DMD: variants seen among roughly 807,000 people sequenced by gnomAD.
DMD encodes the protein dystrophin.
Under a neutral mutation model 330.1 loss-of-function variants are expected in DMD, and 63 were observed. That is an observed-to-expected ratio of 0.19 (90% confidence interval 0.16 to 0.24). The LOEUF (loss-of-function observed/expected upper bound fraction) is 0.24, where lower values mean the gene tolerates loss of function less well. DMD is among the 10% of genes least tolerant of loss of function. DMD has a pLI of 1.00. For synonymous variants in DMD, 1,223 were observed against 959.8 expected, an observed-to-expected ratio of 1.27 and a Z score of -5.07; for missense variants, 3,344 against 2,684.1, an observed-to-expected ratio of 1.25 and a Z score of -5.43.
At chrX:33,095,108 C>A (rs113513487) in intron 1 of DMD, among the ~76,000 whole-genome samples, 8 of 112,236 alleles carry the variant, frequency 7.1e-5, no homozygotes, top group African/African-American at 2.6e-4. Context: ...TATATCAATA[C>A]ACATATATAA....
intron 60 of DMD, among the ~76,000 whole-genome samples, chrX:31,349,992 T>C (rs2058304084): frequency 9.0e-6 from 1 of 111,603 alleles, no homozygotes; most frequent in Non-Finnish European, 1.9e-5. Flanking sequence ...AATCTCATTT[T>C]TTCACTCTCT....
Position 32,799,661 on chromosome X carries a change from G to GA in DMD, c.649+9831dup, listed in dbSNP as rs2076408325. The stretch of plus-strand genomic sequence containing the variant: ...TGAAACTCAGAGAAACAATGTATAT[G>GA]AAACCCACGACCAACGCATGTAGAA... On this transcript the variant is annotated intron_variant, in intron 7 of 78. Transcript: ENST00000357033. Among the ~76,000 whole-genome samples the GA allele has an allele frequency of 2.8e-5, 3 of 105,955 alleles. No individual in the cohort carries two copies. In the East Asian group the frequency reaches 9.0e-4, roughly 32 times the overall value. The allele number at this position is 105,955 out of a possible 115,157, so 92.0% of individuals were successfully genotyped here.
chrX:31,869,435 A>C (rs2149653001), intron 48 of DMD, among the ~76,000 whole-genome samples: 1 of 99,166 alleles, frequency 1.0e-5, no homozygotes, highest in Admixed American at 1.2e-4. Flanking sequence ...CCTACCTGTA[A>C]ATTGATCTGG....
intron 7 of DMD, among the ~76,000 whole-genome samples, chrX:32,772,426 C>T (rs1029835903): frequency 8.9e-6 from 1 of 112,470 alleles, no homozygotes; most frequent in African/African-American, 3.2e-5. Flanking sequence ...GCATGAGTTA[C>T]AATAACTAGT....
At chrX:32,084,124 T>A (rs191703117) in intron 44 of DMD, among the ~76,000 whole-genome samples, 5 of 112,086 alleles carry the variant, frequency 4.5e-5, no homozygotes, top group African/African-American at 1.6e-4. Context: ...AATTTTAATA[T>A]TGAAACCTCA....
At chrX:33,084,524 A>C (rs2148266705) in intron 1 of DMD, among the ~76,000 whole-genome samples, 1 of 111,649 alleles carries the variant, frequency 9.0e-6, no homozygotes, top group African/African-American at 3.3e-5. Context: ...ATGAAATCAC[A>C]GGGAGTTGGA....
chrX:32,015,249 T>G (rs2095751515), intron 44 of DMD, among the ~76,000 whole-genome samples: 1 of 111,664 alleles, frequency 9.0e-6, no homozygotes, highest in Non-Finnish European at 1.9e-5. Context: ...AATTTTGACA[T>G]GAATAAGAAT....
chrX:31,512,145 T>C (rs1160387292), intron 55 of DMD, among the ~76,000 whole-genome samples: 1 of 110,875 alleles, frequency 9.0e-6, no homozygotes, highest in Non-Finnish European at 1.9e-5. Context: ...TTGAGAAGTG[T>C]CTGTTCATGT....
At chrX:32,160,006 G>A (rs906814157) in intron 44 of DMD, among the ~76,000 whole-genome samples, 1 of 111,287 alleles carries the variant, frequency 9.0e-6, no homozygotes, top group Non-Finnish European at 1.9e-5. Flanking sequence ...GCTACGGGAA[G>A]CTACTGAAGG....
At chrX:32,708,467 T>G (rs1024871175) in intron 7 of DMD, among the ~76,000 whole-genome samples, 1 of 111,486 alleles carries the variant, frequency 9.0e-6, no homozygotes, top group African/African-American at 3.3e-5. Context: ...CATATTAGTA[T>G]CTTGCAAATA....
At chrX:32,632,609 C>A (rs2058810094) in intron 11 of DMD, among the ~76,000 whole-genome samples, 1 of 112,404 alleles carries the variant, frequency 8.9e-6, no homozygotes, top group Non-Finnish European at 1.9e-5. Flanking sequence ...TGTTCCCAAG[C>A]CTCAACTCTT....
At chrX:31,145,067 C>A (rs1334004310) in intron 76 of DMD, among the ~76,000 whole-genome samples, 1 of 112,188 alleles carries the variant, frequency 8.9e-6, no homozygotes, top group African/African-American at 3.2e-5. Context: ...ATTCATCCAA[C>A]TTTTGCCTAA....
chrX:33,233,277 A>T (rs1196190196), intron 1 of DMD, among the ~76,000 whole-genome samples: 1 of 111,628 alleles, frequency 9.0e-6, no homozygotes, highest in African/African-American at 3.3e-5. Flanking sequence ...ATAGTCCAAA[A>T]AGTGCACTCC....
chrX:33,177,004 G>C (rs1196215992), intron 1 of DMD, among the ~76,000 whole-genome samples: 2 of 112,066 alleles, frequency 1.8e-5, no homozygotes, highest in Non-Finnish European at 3.8e-5. Flanking sequence ...TTTAGGGCTT[G>C]GGGAAAACAA....
intron 43 of DMD, among the ~76,000 whole-genome samples, chrX:32,224,573 A>C (rs941247205): frequency 9.0e-6 from 1 of 111,642 alleles, no homozygotes; most frequent in Non-Finnish European, 1.9e-5. Flanking sequence ...GTTAATAAAA[A>C]TTTTATAATT....
intron 65 of DMD, among the ~76,000 whole-genome samples, chrX:31,207,767 A>G (rs1358543885): frequency 9.0e-6 from 1 of 111,481 alleles, no homozygotes; most frequent in Non-Finnish European, 1.9e-5. Flanking sequence ...ACTGTTGGGT[A>G]CTGCGCTTAA....
intron 11 of DMD, among the ~76,000 whole-genome samples, chrX:32,636,839 A>T (rs1409597199): frequency 9.1e-6 from 1 of 109,505 alleles, no homozygotes; most frequent in Non-Finnish European, 1.9e-5. Flanking sequence ...TCTACTAAAA[A>T]TACAAAAAGT....
intron 62 of DMD, among the ~76,000 whole-genome samples, chrX:31,294,611 C>T (rs1415715715): frequency 1.8e-5 from 2 of 112,347 alleles, no homozygotes; most frequent in Non-Finnish European, 3.8e-5. Context: ...TATCTCCTCA[C>T]ATTTGAGTAA....
intron 49 of DMD, among the ~76,000 whole-genome samples, chrX:31,824,729 C>T (rs1026854929): frequency 9.0e-6 from 1 of 110,681 alleles, no homozygotes; most frequent in African/African-American, 3.3e-5. Flanking sequence ...TTTTGCTAAT[C>T]GGTTATTAAA....
Sources: gnomAD v4.1 joint callset for allele counts (sites outside exome capture counted in the v4.1 genomes callset) on GRCh38, gnomAD v4.1.1 for gene constraint, MANE v1.5 for transcripts, NCBI Gene and HGNC (gene_info 2026-07-23, HGNC 2026-07-21) for gene names.